The following TRDN variants were observed in gnomAD, a reference collection of about 807,000 sequenced individuals.
TRDN encodes the protein triadin in skeletal muscle.
In TRDN, 161 loss-of-function variants were observed where a neutral mutation model predicts 149.7. The ratio of observed to expected loss-of-function variants is 1.08; its 90% CI spans 0.95 to 1.23. The LOEUF (loss-of-function observed/expected upper bound fraction) is 1.23. Among genes scored for constraint, TRDN ranks in the 50% most tolerant of loss-of-function variants. The pLI, the probability that TRDN is intolerant of heterozygous loss-of-function variation, is 0.00. For missense variants in TRDN, 896 were observed against 823.5 expected (o/e 1.09, Z -1.08); for synonymous variants, 294 against 250.5 (o/e 1.17, Z -1.64).
chr6:123,356,793 T>C (rs988925139), intron 20 of TRDN, among the ~76,000 whole-genome samples: 3 of 151,186 alleles, frequency 2.0e-5, no homozygotes, highest in Admixed American at 1.3e-4. Flanking sequence ...AAAATCTTTT[T>C]ATTTGCTTAT....
intron 24 of TRDN, among the ~76,000 whole-genome samples, chr6:123,308,681 A>G (rs1210280568): frequency 6.6e-6 from 1 of 152,012 alleles, no homozygotes; most frequent in Non-Finnish European, 1.5e-5. Flanking sequence ...TGCAACTTCT[A>G]GTTAATCACC....
intron 35 of TRDN, among the ~76,000 whole-genome samples, chr6:123,256,870 G>A (rs1184462703): frequency 6.6e-6 from 1 of 151,896 alleles, no homozygotes; most frequent in East Asian, 1.9e-4. Flanking sequence ...TGCTTTAGCT[G>A]TTTTAGTCAT....
chr6:123,581,702 A>G (rs777927030), intron 1 of TRDN, among the ~76,000 whole-genome samples: 2 of 152,158 alleles, frequency 1.3e-5, no homozygotes, highest in Non-Finnish European at 2.9e-5. Flanking sequence ...AGAGAATCTC[A>G]TAAGAACTGC....
At chr6:123,402,327 T>A (rs760812197) in intron 12 of TRDN, among the ~76,000 whole-genome samples, 3 of 152,194 alleles carry the variant, frequency 2.0e-5, no homozygotes, top group Non-Finnish European at 4.4e-5. Context: ...AAGGCAAATG[T>A]CTAGATTTAA....
chr6:123,308,151 C>T (rs1049068810), intron 24 of TRDN, among the ~76,000 whole-genome samples: 16 of 151,964 alleles, frequency 1.1e-4, no homozygotes, highest in African/African-American at 3.6e-4. Context: ...CTTAGGATAA[C>T]GACTTCCAGC....
chr6:123,548,918 C>T (rs986837425), intron 2 of TRDN, among the ~76,000 whole-genome samples: 2 of 151,628 alleles, frequency 1.3e-5, no homozygotes, highest in Non-Finnish European at 2.9e-5. Context: ...GCAAATAAAC[C>T]CTATGTTATG....
intron 10 of TRDN, among the ~76,000 whole-genome samples, chr6:123,464,094 T>A (rs1418753965): frequency 6.6e-6 from 1 of 152,240 alleles, no homozygotes; most frequent in Non-Finnish European, 1.5e-5. Context: ...TAGCTTTAAT[T>A]ACTGGTGTTT....
At chr6:123,582,454 G>A (rs1181763043) in intron 1 of TRDN, among the ~76,000 whole-genome samples, 3 of 150,936 alleles carry the variant, frequency 2.0e-5, no homozygotes, top group Non-Finnish European at 4.4e-5. Flanking sequence ...GGGAGATAGG[G>A]GTGGGGCCGT....
At chr6:123,420,939 T>C (rs1773871216) in intron 12 of TRDN, among the ~76,000 whole-genome samples, 4 of 152,216 alleles carry the variant, frequency 2.6e-5, no homozygotes, top group Admixed American at 2.0e-4. Flanking sequence ...CCAACTGAAG[T>C]GCTCATATGA....
chr6:123,467,133 A>G (rs1279631550), intron 9 of TRDN, among the ~76,000 whole-genome samples: 1 of 152,088 alleles, frequency 6.6e-6, no homozygotes, highest in Non-Finnish European at 1.5e-5. Context: ...TTCCCAACAT[A>G]CTGGCTGAAA....
intron 39 of TRDN, 100 bp from the exon 40 acceptor site, chr6:123,221,622 A>T: frequency 1.5e-6 from 1 of 686,882 alleles, no homozygotes; most frequent in South Asian, 2.4e-5. Flanking sequence ...CACACTATGA[A>T]AGAAACAGGA....
Position 123,271,142 on chromosome 6 carries a change from T to C in TRDN, c.1717A>G (p.Thr573Ala), listed in dbSNP as rs912261504. Reference protein sequence around the residue: ...KQVKAVTIEKTAKPKPTKKAE... With the variant: ...KQVKAVTIEKAAKPKPTKKAE... The stretch of plus-strand genomic sequence containing the variant: ...AAATATAAAATACCTTATTTACCTG[T>C]TTTTTCTATTGTGACAGCTTTTACC... Residue 573 changes from threonine to alanine, a missense_variant, in exon 30 of 41, where the codon ACA becomes GCA. By Grantham distance (58) the Thr-to-Ala change is moderately conservative (BLOSUM62 0). Coordinates refer to ENST00000334268, the MANE Select transcript of TRDN (RefSeq NM_006073.4). 2.6e-6 allele frequency: 4 copies of C among 1,531,472 alleles called. No individual in the cohort carries two copies. Among genetic ancestry groups the C allele is most frequent in the African/African-American group, 2.8e-5 (2 of 72,004 alleles). The allele number at this position is 1,531,472 out of a possible 1,614,324, so 94.9% of individuals were successfully genotyped here. A position where few individuals can be genotyped will look rare whatever the true frequency, so the allele number is the denominator to read the frequency against.
At chr6:123,457,820 A>G (rs1203093836) in intron 10 of TRDN, among the ~76,000 whole-genome samples, 1 of 152,236 alleles carries the variant, frequency 6.6e-6, no homozygotes, top group Non-Finnish European at 1.5e-5. Flanking sequence ...GAAATATCTC[A>G]AATAGTCAAC....
At position 123,221,502 on chromosome 6, in the gene TRDN, G is replaced by T; in HGVS notation, c.2035C>A (p.Pro679Thr). Residue 679 changes from proline to threonine, a missense_variant, in exon 40 of 41, where the codon CCC (proline) becomes ACC (threonine). By Grantham distance (38) the Pro-to-Thr change is conservative. Transcript: ENST00000334268. ...ATAAACTTACTTTTCTGCTTTGTGG[G>T]AGACACATCTTCAGTTCCTTCTAGT... ...KAKEGTEDVS[P>T]TKQKSPISFF... is the part of the protein sequence containing the mutation. The T allele has an allele frequency of 6.4e-7, 1 of 1,570,130 alleles. No individual in the cohort carries two copies. Among genetic ancestry groups the T allele is most frequent in the Non-Finnish European group, 8.7e-7 (1 of 1,146,426 alleles).
intron 12 of TRDN, among the ~76,000 whole-genome samples, chr6:123,428,663 A>G (rs1562308455): frequency 1.3e-5 from 2 of 152,146 alleles, no homozygotes; most frequent in Non-Finnish European, 2.9e-5. Flanking sequence ...AATAAATATT[A>G]TATGTGTCTT....
intron 24 of TRDN, among the ~76,000 whole-genome samples, chr6:123,294,960 G>A (rs373849494): frequency 2.0e-5 from 3 of 152,104 alleles, no homozygotes; most frequent in African/African-American, 7.2e-5. Context: ...TACAGAAAAT[G>A]AATCTTACCC....
intron 1 of TRDN, among the ~76,000 whole-genome samples, chr6:123,574,036 A>T (rs1782704503): frequency 6.6e-6 from 1 of 152,098 alleles, no homozygotes; most frequent in Non-Finnish European, 1.5e-5. Flanking sequence ...TAATCAGGAA[A>T]GAAAATCAAA....
chr6:123,268,900 A>G (rs1192827795), intron 31 of TRDN, among the ~76,000 whole-genome samples: 1 of 152,064 alleles, frequency 6.6e-6, no homozygotes, highest in Non-Finnish European at 1.5e-5. Context: ...TATATTCAAA[A>G]TACAATTCAC....
In TRDN at chr6:123,512,355, G is replaced by T. The variant is rs1173699706; in HGVS notation, c.558C>A (p.His186Gln). ...EKEKPEKKAT[H>Q]KEKIEKKEKP... ...TTTCTTTTTTCTCAATTTTTTCCTTGTGAGTTGCTTAAACAGAAAATTTTA... is the reference window on the plus strand; with the variant it reads ...TTTCTTTTTTCTCAATTTTTTCCTTTTGAGTTGCTTAAACAGAAAATTTTA... Residue 186 changes from histidine (H) to glutamine (Q), a missense_variant, in exon 7 of 41, where the codon CAC becomes CAA. Transcript: ENST00000334268. 1.3e-6 allele frequency: 2 copies of T among 1,500,460 alleles called. No individual in the cohort carries two copies. The highest frequency in any genetic ancestry group is 2.8e-5 in the African/African-American group (2 of 72,486). 92.9% of individuals were successfully genotyped at this position (1,500,460 alleles called of 1,614,324 possible). A position where few individuals can be genotyped will look rare whatever the true frequency, so the allele number is the denominator to read the frequency against.
Sources: gnomAD v4.1 joint callset for allele counts (sites outside exome capture counted in the v4.1 genomes callset) on GRCh38, gnomAD v4.1.1 for gene constraint, MANE v1.5 for transcripts, NCBI Gene and HGNC (gene_info 2026-07-23, HGNC 2026-07-21) for gene names.